Variants in TRIM64B observed in about 807,000 individuals in gnomAD.
TRIM64B encodes the protein tripartite motif containing 64B.
For synonymous variants in TRIM64B, 17 were observed against 190.3 expected (o/e 0.09, Z 7.50); for missense variants, 57 against 536.4 (o/e 0.11, Z 8.83).
chr11:89,877,115 C>A (rs1305479743), upstream of TRIM64B, among the ~76,000 whole-genome samples: 1 of 127,384 alleles, frequency 7.9e-6, no homozygotes, highest in Non-Finnish European at 1.7e-5. Flanking sequence ...ATACTCCCTG[C>A]CTCCAAACTC....
chr11:89,872,543 CTTCTAAAGTCATTA>C, intron 4 of TRIM64B, among the ~76,000 whole-genome samples: 1 of 151,800 alleles, frequency 6.6e-6, no homozygotes. Context: ...CATTATACAA[CTTCTAAAGTCATTA>C]AAAGTCATTG....
chr11:89,877,660 C>G (rs1299411298), upstream of TRIM64B, among the ~76,000 whole-genome samples: 1 of 148,002 alleles, frequency 6.8e-6, no homozygotes, highest in South Asian at 2.1e-4. Context: ...CACTCTGTTA[C>G]GCAGGCTGGA....
intron 4 of TRIM64B, among the ~76,000 whole-genome samples, 185 bp downstream of exon 5, chr11:89,873,082 GT>G (rs1238427059): frequency 2.0e-5 from 3 of 152,004 alleles, no homozygotes; most frequent in Admixed American, 6.5e-5. Flanking sequence ...TTTTATGTAT[GT>G]TTTAATTCAT....
At chr11:89,871,751 T>G (rs1203986142) in intron 5 of TRIM64B, among the ~76,000 whole-genome samples, 6 of 78,308 alleles carry the variant, frequency 7.7e-5, no homozygotes, top group African/African-American at 2.0e-4. Context: ...AGAATTGTCC[T>G]GATTATGGAT....
intron 5 of TRIM64B, among the ~76,000 whole-genome samples, 173 bp from the exon 7 acceptor site, chr11:89,871,287 A>G (rs1460822941): frequency 7.2e-5 from 11 of 152,350 alleles, no homozygotes; most frequent in African/African-American, 2.6e-4. Context: ...TACAGCACAT[A>G]CAATTATGTA....
upstream of TRIM64B, among the ~76,000 whole-genome samples, chr11:89,876,470 C>T (rs1346687758): frequency 6.7e-6 from 1 of 149,494 alleles, no homozygotes; most frequent in African/African-American, 2.4e-5. Context: ...TGCCTGTAAT[C>T]CCAGCACTTC....
upstream of TRIM64B, among the ~76,000 whole-genome samples, chr11:89,876,949 G>A (rs1950169427): frequency 1.4e-5 from 2 of 148,104 alleles, no homozygotes; most frequent in African/African-American, 2.4e-5. Flanking sequence ...AAGCCTGGGT[G>A]GAGGGTAAAA....
upstream of TRIM64B, among the ~76,000 whole-genome samples, chr11:89,877,746 A>C (rs2134715185): frequency 6.7e-6 from 1 of 149,474 alleles, no homozygotes; most frequent in South Asian, 2.1e-4. Flanking sequence ...CAGCCTCCTG[A>C]GTAGCTGGTA....
At chr11:89,877,475 T>C (rs1386618651), upstream of TRIM64B, among the ~76,000 whole-genome samples, 1 of 145,612 alleles carries the variant, frequency 6.9e-6, no homozygotes, top group Admixed American at 6.9e-5. Flanking sequence ...CACTAGAAAA[T>C]CCAGAAATGC....
chr11:89,876,505 G>C (rs1258802368), upstream of TRIM64B, among the ~76,000 whole-genome samples: 1 of 149,524 alleles, frequency 6.7e-6, no homozygotes, highest in Admixed American at 6.7e-5. Flanking sequence ...GGCGGATCAC[G>C]AGGTCAGGAG....
chr11:89,876,668 G>A (rs1184303830), upstream of TRIM64B, among the ~76,000 whole-genome samples: 1 of 148,162 alleles, frequency 6.7e-6, no homozygotes, highest in Non-Finnish European at 1.5e-5. Context: ...GTTGCAGTGA[G>A]CCGAGATCGC....
chr11:89,872,763 C>A (rs1241126709), intron 4 of TRIM64B, among the ~76,000 whole-genome samples: 2 of 151,760 alleles, frequency 1.3e-5, no homozygotes, highest in Non-Finnish European at 2.9e-5. Context: ...TAATTCCAGC[C>A]TGAGAACCCT....
intron 1 of TRIM64B, among the ~76,000 whole-genome samples, chr11:89,875,297 A>T (rs1472933985): frequency 8.3e-4 from 124 of 149,696 alleles, no homozygotes; most frequent in East Asian, 1.8e-3. Context: ...TATCATCAAT[A>T]TTCTGAGAAA....
intron 4 of TRIM64B, among the ~76,000 whole-genome samples, chr11:89,872,922 CTTTTTTTTTT>C (rs34678191): frequency 1.5e-5 from 2 of 135,940 alleles, no homozygotes; most frequent in Non-Finnish European, 3.2e-5. Context: ...CTCCCTCTGT[CTTTTTTTTTT>C]TTTTTTTTTT....
intron 4 of TRIM64B, among the ~76,000 whole-genome samples, chr11:89,873,057 C>T (rs1356699889): frequency 1.3e-5 from 2 of 151,976 alleles, no homozygotes; most frequent in Non-Finnish European, 2.9e-5. Context: ...AACAAACTTC[C>T]GAATGGCAAA....
At chr11:89,872,416 C>G (rs1950120149) in intron 4 of TRIM64B, 104 bp from the exon 6 acceptor site, 2 of 1,532,904 alleles carry the variant, frequency 1.3e-6, no homozygotes, top group South Asian at 2.4e-5. Flanking sequence ...ACAATTCTGC[C>G]AGTTTTGGTT....
chr11:89,872,810 T>C, intron 4 of TRIM64B, among the ~76,000 whole-genome samples: 1 of 151,736 alleles, frequency 6.6e-6, no homozygotes, highest in Non-Finnish European at 1.5e-5. Context: ...TTCCCTGAGG[T>C]CTTTCCTAGA....
chr11:89,878,087 C>T (rs1282036906), upstream of TRIM64B, among the ~76,000 whole-genome samples: 5 of 145,390 alleles, frequency 3.4e-5, no homozygotes, highest in African/African-American at 1.0e-4. Context: ...TTCTGGTGAA[C>T]ATTTTAGGTA....
upstream of TRIM64B, among the ~76,000 whole-genome samples, chr11:89,876,583 G>A (rs1336934439): frequency 2.0e-5 from 3 of 149,474 alleles, no homozygotes; most frequent in Admixed American, 6.7e-5. Context: ...TTAGCAGGGC[G>A]TGGTGGTACG....
Sources: allele counts gnomAD v4.1 joint callset (sites outside exome capture counted in the v4.1 genomes callset), GRCh38; gene constraint gnomAD v4.1.1; transcripts MANE v1.5; gene names NCBI Gene and HGNC (gene_info 2026-07-23, HGNC 2026-07-21).